CEACAM19: variants seen among roughly 807,000 people sequenced by gnomAD.
CEACAM19 encodes CEA cell adhesion molecule 19.
Under a neutral mutation model 37.6 loss-of-function variants are expected in CEACAM19, and 37 were observed. That is an observed-to-expected ratio of 0.98 (90% CI 0.76 to 1.29). The LOEUF is 1.29. CEACAM19 is among the 50% of genes most tolerant of loss of function. The pLI, the probability that CEACAM19 is intolerant of heterozygous loss-of-function variation, is 0.00. For synonymous variants in CEACAM19, 140 were observed against 149.8 expected (o/e 0.93, Z 0.48); for missense variants, 340 against 375.6 (o/e 0.91, Z 0.78).
At chr19:44,671,410 G>A (rs984209118), upstream of CEACAM19, 15 of 368,028 alleles carry the variant, frequency 4.1e-5, no homozygotes, top group Admixed American at 1.4e-4. Context: ...GTGAGCCACC[G>A]CACCCAGCCT....
chr19:44,679,748 C>CA (rs200399838), intron 4 of CEACAM19, among the ~76,000 whole-genome samples: 102 of 137,052 alleles, frequency 7.4e-4, no homozygotes, highest in East Asian at 4.4e-3. Flanking sequence ...GACTCTGTCT[C>CA]AAAAAAAAAA....
rs141629360 is a variant in CEACAM19, at chr19:44,683,429, C to G, written c.847-8C>G. The stretch of plus-strand genomic sequence containing the variant: ...GTCATAATTCTGTTCTCTCTTCCCC[C>G]CAAGCAGGACCTGCTAAACCCCGAC... On this transcript the variant is annotated splice_region_variant and splice_polypyrimidine_tract_variant and intron_variant, in intron 7 of 7. Transcript: ENST00000358777. 7.5e-5 allele frequency: 115 copies of G among 1,523,906 alleles called. No individual in the cohort carries two copies. In the South Asian group the frequency reaches 9.6e-4, roughly 13 times the overall value. 94.4% of individuals were successfully genotyped at this position (1,523,906 alleles called of 1,614,324 possible). A position where few individuals can be genotyped will look rare whatever the true frequency, so the allele number is the denominator to read the frequency against.
rs2122126683 is a variant in CEACAM19, at chr19:44,672,984, G to A, written c.424+20G>A. ...TAGCTGGTAAGTGTTAGGGTCTGGG[G>A]ATGAGGTGAGGAAGCTAATGAGCCC... On this transcript the variant is annotated intron_variant, in intron 2 of 7. Coordinates refer to ENST00000358777, the MANE Select transcript of CEACAM19 (RefSeq NM_001127893.3). The A allele has an allele frequency of 6.9e-7, 1 of 1,454,472 alleles. No homozygotes were observed. Among genetic ancestry groups the A allele is most frequent in the East Asian group, 2.5e-5 (1 of 39,730 alleles). 90.1% of individuals were successfully genotyped at this position (1,454,472 alleles called of 1,614,324 possible). A position where few individuals can be genotyped will look rare whatever the true frequency, so the allele number is the denominator to read the frequency against.
chr19:44,667,954 A>AT (rs1247323814), upstream of CEACAM19, among the ~76,000 whole-genome samples: 5 of 66,698 alleles, frequency 7.5e-5, no homozygotes, highest in African/African-American at 6.6e-4. Context: ...TAAATTATAT[A>AT]AATCTATATA....
chr19:44,671,927 C>A lies in CEACAM19; in HGVS notation c.-5C>A. The A allele has an allele frequency of 6.2e-7, 1 of 1,604,258 alleles. No homozygotes were observed. Among genetic ancestry groups the A allele is most frequent in the Non-Finnish European group, 8.5e-7 (1 of 1,175,600 alleles). On this transcript the variant is annotated 5_prime_UTR_variant, in exon 1 of 8. Transcript: ENST00000358777. The stretch of plus-strand genomic sequence containing the variant: ...GGCCCCTTGGCATTTCCACAAGACG[C>A]CAAGATGGAGATTCCCATGGGGACC...
At position 44,680,269 on chromosome 19, in the gene CEACAM19, T is replaced by G. The variant is rs200589747; in HGVS notation, c.660-19T>G. The stretch of plus-strand genomic sequence containing the variant: ...AGTGTCTCTCTATCCTAATATCAAT[T>G]CCCTCTATGTGTCCCCAGGATGGCG... On this transcript the variant is annotated intron_variant, in intron 4 of 7. Coordinates refer to ENST00000358777, the MANE Select transcript of CEACAM19 (RefSeq NM_001127893.3). 5.9e-5 allele frequency: 95 copies of G among 1,603,812 alleles called. 1 individual carries two copies. In the Admixed American group the frequency reaches 1.3e-3, roughly 22 times the overall value.
chr19:44,672,864 G>C lies in CEACAM19; in HGVS notation c.324G>C (p.Leu108=). The change falls in exon 2 of 8, where the codon CTG becomes CTC. Residue 108 remains leucine, a synonymous_variant. Transcript: ENST00000358777. ...DIVGFPNGSM[L]LRRAQPTDSG... is the part of the protein sequence containing the mutation. ...TGGGCTTCCCCAATGGTTCCATGCTGCTGCGCCGCGCCCAGCCTACAGACA... is the reference window on the plus strand; with the variant it reads ...TGGGCTTCCCCAATGGTTCCATGCTCCTGCGCCGCGCCCAGCCTACAGACA... The C allele has an allele frequency of 6.3e-7, 1 of 1,595,718 alleles. No individual in the cohort carries two copies. The highest frequency in any genetic ancestry group is 8.5e-7 in the Non-Finnish European group (1 of 1,169,772).
At chr19:44,678,804 T>C (rs763418819) in intron 3 of CEACAM19, 49 bp from the exon 4 acceptor site, 2 of 1,603,596 alleles carry the variant, frequency 1.2e-6, no homozygotes, top group South Asian at 1.1e-5. Context: ...TCTGATATTC[T>C]ACTGTCAATG....
At chr19:44,682,232 A>G (rs1030516887) in intron 6 of CEACAM19, among the ~76,000 whole-genome samples, 4 of 152,218 alleles carry the variant, frequency 2.6e-5, no homozygotes, top group Non-Finnish European at 5.9e-5. Context: ...CCTGGGTGAC[A>G]GAGCAAGATC....
chr19:44,668,605 T>TA (rs1973798444), upstream of CEACAM19, among the ~76,000 whole-genome samples: 1 of 66,948 alleles, frequency 1.5e-5, no homozygotes, highest in Non-Finnish European at 2.5e-5. Context: ...ACACATATTA[T>TA]ATATGTATAT....
At chr19:44,667,848 ACAATATATATAAATTATATATAATATAT>A (rs1568512302), upstream of CEACAM19, among the ~76,000 whole-genome samples, 5 of 68,728 alleles carry the variant, frequency 7.3e-5, no homozygotes, top group African/African-American at 3.5e-4. Context: ...TATAATATAT[ACAATATATATAAATTATATATAATATAT>A]AAATATATAT....
chr19:44,667,569 T>C (rs1260604038), upstream of CEACAM19, among the ~76,000 whole-genome samples: 4 of 117,334 alleles, frequency 3.4e-5, no homozygotes, highest in Non-Finnish European at 4.9e-5. Flanking sequence ...ATGTAATATA[T>C]ATATAAATTA....
intron 5 of CEACAM19, 126 bp from the exon 6 acceptor site, chr19:44,681,101 G>A (rs1301183342): frequency 1.4e-6 from 1 of 693,756 alleles, no homozygotes; most frequent in African/African-American, 1.8e-5. Flanking sequence ...CCAGCACTGG[G>A]TTTGGCTAGA....
Position 44,671,836 on chromosome 19 carries a change from C to A in CEACAM19, c.-96C>A. ...TGTCTCTAAGGCACCCCTGGGATCC[C>A]CACTGAGCTGGCCTACTTCAGACAG... On this transcript the variant is annotated 5_prime_UTR_variant, in exon 1 of 8. Transcript: ENST00000358777. The A allele has an allele frequency of 9.2e-7, 1 of 1,092,566 alleles. No individual in the cohort carries two copies. Among genetic ancestry groups the A allele is most frequent in the South Asian group, 1.4e-5 (1 of 73,984 alleles). The allele number at this position is 1,092,566 out of a possible 1,614,324, so 67.7% of individuals were successfully genotyped here. A position where few individuals can be genotyped will look rare whatever the true frequency, so the allele number is the denominator to read the frequency against.
chr19:44,668,399 A>T (rs182457955), upstream of CEACAM19, among the ~76,000 whole-genome samples: 48 of 6,672 alleles, frequency 7.2e-3, no homozygotes, highest in East Asian at 0.022. Flanking sequence ...TATTTATATA[A>T]TATGTTTATA....
At chr19:44,673,086 T>A in intron 2 of CEACAM19, 122 bp downstream of exon 2, 1 of 775,378 alleles carries the variant, frequency 1.3e-6, no homozygotes, top group Non-Finnish European at 1.9e-6. Flanking sequence ...TGACACATAT[T>A]GAGCATCTAC....
At chr19:44,668,511 TAG>T (rs1296288557), upstream of CEACAM19, among the ~76,000 whole-genome samples, 24 of 36,334 alleles carry the variant, frequency 6.6e-4, no homozygotes, top group African/African-American at 2.4e-3. Flanking sequence ...TATTATATAT[TAG>T]TTATAATATA....
At chr19:44,679,760 T>TTAAAA (rs1206103063) in intron 4 of CEACAM19, among the ~76,000 whole-genome samples, 7 of 90,304 alleles carry the variant, frequency 7.8e-5, no homozygotes, top group East Asian at 3.0e-4. Flanking sequence ...AAAAAAAAAA[T>TTAAAA]TAAAATAAAA....
intron 2 of CEACAM19, among the ~76,000 whole-genome samples, chr19:44,673,328 G>A (rs59804693): frequency 2.3e-3 from 351 of 152,266 alleles, no homozygotes; most frequent in African/African-American, 7.8e-3. Context: ...GAATCCACTC[G>A]GGGCAAAGTG....
Sources: gnomAD v4.1 joint callset for allele counts (sites outside exome capture counted in the v4.1 genomes callset) on GRCh38, gnomAD v4.1.1 for gene constraint, MANE v1.5 for transcripts, NCBI Gene and HGNC (gene_info 2026-07-23, HGNC 2026-07-21) for gene names.